Variants in MEIOB observed in about 807,000 individuals in gnomAD.
The protein encoded by MEIOB is meiosis-specific with OB domain-containing protein.
Under a neutral mutation model 53.1 loss-of-function variants are expected in MEIOB, and 50 were observed. The ratio of observed to expected loss-of-function variants is 0.94; its 90% CI spans 0.75 to 1.19. MEIOB has a LOEUF of 1.19. Ranked by LOEUF, MEIOB falls within the 50% of genes most tolerant of loss-of-function variation. MEIOB has a pLI of 0.00. For synonymous variants in MEIOB, 192 were observed against 182.5 expected (o/e 1.05, Z -0.42); for missense variants, 551 against 550.8 (o/e 1.00, Z 0.00).
At chr16:1,853,983 T>C (rs1427591196) in intron 7 of MEIOB, 117 bp downstream of exon 7, 5 of 673,650 alleles carry the variant, frequency 7.4e-6, no homozygotes, top group South Asian at 3.6e-5. Flanking sequence ...TAAAATATCA[T>C]TCATCTCCTA....
At chr16:1,856,280 C>G (rs546411875) in intron 6 of MEIOB, among the ~76,000 whole-genome samples, 237 of 151,354 alleles carry the variant, frequency 1.6e-3, no homozygotes, top group African/African-American at 5.5e-3. Flanking sequence ...CTCAGCCTCC[C>G]AAGTAGCTGG....
intron 6 of MEIOB, among the ~76,000 whole-genome samples, chr16:1,854,638 A>G (rs1244659341): frequency 6.6e-6 from 1 of 152,156 alleles, no homozygotes; most frequent in African/African-American, 2.4e-5. Flanking sequence ...AACATCAAAT[A>G]CAGCATATCT....
chr16:1,856,527 G>T (rs1244900158), intron 6 of MEIOB, among the ~76,000 whole-genome samples: 1 of 152,080 alleles, frequency 6.6e-6, no homozygotes, highest in Non-Finnish European at 1.5e-5. Flanking sequence ...CACCGTGTTA[G>T]CCAGGATGGT....
chr16:1,859,885 G>A (rs1171014872), intron 5 of MEIOB, among the ~76,000 whole-genome samples: 1 of 152,154 alleles, frequency 6.6e-6, no homozygotes, highest in Non-Finnish European at 1.5e-5. Flanking sequence ...TGCTCTAAGG[G>A]GCCACTCCCA....
At chr16:1,858,571 A>G (rs1742435) in intron 5 of MEIOB, among the ~76,000 whole-genome samples, 3,331 of 152,246 alleles carry the variant, frequency 0.022, 120 homozygotes, top group East Asian at 0.11. Flanking sequence ...TCCATCCTCC[A>G]TAAGCAAAGT....
intron 9 of MEIOB, among the ~76,000 whole-genome samples, chr16:1,849,953 A>G (rs1457852370): frequency 6.6e-6 from 1 of 152,252 alleles, no homozygotes; most frequent in Non-Finnish European, 1.5e-5. Context: ...AACATAGTGT[A>G]TAAAATGTAT....
chr16:1,857,314 T>C (rs1299743082), intron 6 of MEIOB, among the ~76,000 whole-genome samples: 2 of 152,058 alleles, frequency 1.3e-5, no homozygotes, highest in African/African-American at 2.4e-5. Flanking sequence ...GTATTCCCAC[T>C]CCCTCCCTGG....
At chr16:1,843,108 C>T (rs1200924797) in intron 10 of MEIOB, among the ~76,000 whole-genome samples, 6 of 150,732 alleles carry the variant, frequency 4.0e-5, no homozygotes, top group African/African-American at 1.5e-4. Flanking sequence ...TCCTGGCTAA[C>T]ATGGTGAAAC....
At chr16:1,850,245 T>G (rs1394315663) in intron 9 of MEIOB, among the ~76,000 whole-genome samples, 4 of 152,156 alleles carry the variant, frequency 2.6e-5, no homozygotes, top group African/African-American at 9.6e-5. Flanking sequence ...AAATTTGCCC[T>G]TAGAGGATGA....
Position 1,853,289 on chromosome 16 carries a change from G to A in MEIOB, c.630-18C>T, listed in dbSNP as rs1375081728. On this transcript the variant is annotated intron_variant, in intron 7 of 13. Transcript: ENST00000325962. Reference sequence around the variant, plus strand: ...TATCCCAACTGCATTTGTTTAAAAAGAAGTAATACAAATTGAATACACTAG... The same window carrying A: ...TATCCCAACTGCATTTGTTTAAAAAAAAGTAATACAAATTGAATACACTAG... The A allele has an allele frequency of 6.5e-7, 1 of 1,527,780 alleles. No individual in the cohort carries two copies. The allele number at this position is 1,527,780 out of a possible 1,614,324, so 94.6% of individuals were successfully genotyped here.
intron 5 of MEIOB, among the ~76,000 whole-genome samples, chr16:1,859,313 G>A (rs1044432534): frequency 2.4e-4 from 37 of 152,136 alleles, no homozygotes; most frequent in Non-Finnish European, 4.3e-4. Flanking sequence ...AGGCCGAGGC[G>A]GGCGGATCAC....
intron 2 of MEIOB, among the ~76,000 whole-genome samples, chr16:1,866,536 C>T (rs141888336): frequency 8.3e-4 from 126 of 152,090 alleles, no homozygotes; most frequent in African/African-American, 3.0e-3. Context: ...GTCTGACCAA[C>T]ATGGTGAAAC....
intron 1 of MEIOB, among the ~76,000 whole-genome samples, chr16:1,870,256 G>A (rs567707641): frequency 6.6e-6 from 1 of 152,212 alleles, no homozygotes; most frequent in Non-Finnish European, 1.5e-5. Context: ...TTTTATGTAT[G>A]TATTTCATAA....
At chr16:1,845,165 G>T (rs1899000214) in intron 9 of MEIOB, among the ~76,000 whole-genome samples, 1 of 152,218 alleles carries the variant, frequency 6.6e-6, no homozygotes, top group African/African-American at 2.4e-5. Context: ...TAAAACAGAT[G>T]TTAGTGAAAA....
intron 9 of MEIOB, among the ~76,000 whole-genome samples, chr16:1,852,040 T>C (rs1011292795): frequency 6.6e-6 from 1 of 152,168 alleles, no homozygotes; most frequent in Non-Finnish European, 1.5e-5. Context: ...GGGGATCATC[T>C]GGGCATTTAA....
At chr16:1,860,351 A>T (rs370931332) in intron 5 of MEIOB, 52 bp downstream of exon 5, 5 of 963,764 alleles carry the variant, frequency 5.2e-6, no homozygotes, top group Non-Finnish European at 8.0e-6. Flanking sequence ...CTGATACAAC[A>T]TTATTAGTAA....
intron 5 of MEIOB, among the ~76,000 whole-genome samples, chr16:1,858,292 T>A (rs994327051): frequency 1.5e-4 from 23 of 152,186 alleles, no homozygotes; most frequent in African/African-American, 5.5e-4. Flanking sequence ...GACCTGGCTG[T>A]TCTGCCTTAG....
intron 6 of MEIOB, among the ~76,000 whole-genome samples, chr16:1,857,102 G>A (rs538999811): frequency 6.6e-6 from 1 of 152,248 alleles, no homozygotes; most frequent in African/African-American, 2.4e-5. Context: ...TTACCGTTGA[G>A]GTCTACATCT....
chr16:1,841,732 C>T lies in MEIOB; in HGVS notation c.1034+88G>A, dbSNP rs527403127. ...ACATAACCCCTGTTACATCAACAAA[C>T]AGCTTTAACTTTTAGAGAGCTTAAA... On this transcript the variant is annotated intron_variant, in intron 11 of 13. Transcript: ENST00000325962. 94 of 1,022,862 alleles carry T rather than the reference C, an allele frequency of 9.2e-5. 2 individuals carry two copies. In the South Asian group the frequency reaches 2.2e-3, roughly 24 times the overall value. 63.4% of individuals were successfully genotyped at this position (1,022,862 alleles called of 1,614,324 possible).
Sources: allele counts gnomAD v4.1 joint callset (sites outside exome capture counted in the v4.1 genomes callset), GRCh38; gene constraint gnomAD v4.1.1; transcripts MANE v1.5; gene names NCBI Gene and HGNC (gene_info 2026-07-23, HGNC 2026-07-21).